Variants in PCDHA11 observed in about 807,000 individuals in gnomAD.
PCDHA11 encodes protocadherin alpha-11.
In PCDHA11, 61 loss-of-function variants were observed where a neutral mutation model predicts 70.3. The observed-to-expected ratio is 0.87, with a 90% CI of 0.71 to 1.07. The LOEUF (loss-of-function observed/expected upper bound fraction) is 1.07. PCDHA11 is among the 50% of genes least tolerant of loss of function. The probability of loss-of-function intolerance (pLI) is 0.00; values close to 1 mark genes in which losing one functional copy is unlikely to be tolerated. For synonymous variants in PCDHA11, 633 were observed against 555.1 expected, an observed-to-expected ratio of 1.14 and a Z score of -1.97; for missense variants, 1,324 against 1,237.5, an observed-to-expected ratio of 1.07 and a Z score of -1.05.
At chr5:140,888,623 C>T (rs1456857060) in intron 1 of PCDHA11, among the ~76,000 whole-genome samples, 1 of 152,160 alleles carries the variant, frequency 6.6e-6, no homozygotes. Context: ...ACTAATTCGG[C>T]CTTCTATTAC....
chr5:140,920,703 G>A (rs1435351032), intron 1 of PCDHA11, among the ~76,000 whole-genome samples: 1 of 152,060 alleles, frequency 6.6e-6, no homozygotes, highest in Non-Finnish European at 1.5e-5. Context: ...CATTAGCTTG[G>A]CATGGTGGTG....
chr5:140,989,758 T>C (rs1554251084), intron 3 of PCDHA11, among the ~76,000 whole-genome samples: 1 of 152,188 alleles, frequency 6.6e-6, no homozygotes, highest in African/African-American at 2.4e-5. Flanking sequence ...GAGAAACATA[T>C]TCAGTTCAAG....
chr5:140,977,712 T>C (rs2153814265), intron 1 of PCDHA11, among the ~76,000 whole-genome samples: 1 of 152,306 alleles, frequency 6.6e-6, no homozygotes, highest in South Asian at 2.1e-4. Context: ...AATATTGAGA[T>C]GGTGATCATT....
intron 3 of PCDHA11, among the ~76,000 whole-genome samples, chr5:140,996,100 G>A (rs1554255000): frequency 1.3e-5 from 2 of 152,190 alleles, no homozygotes; most frequent in Non-Finnish European, 2.9e-5. Flanking sequence ...TACATGGAAT[G>A]GTATGGAAGT....
intron 3 of PCDHA11, among the ~76,000 whole-genome samples, chr5:141,007,907 A>G (rs1402621923): frequency 6.6e-6 from 1 of 152,186 alleles, no homozygotes; most frequent in Non-Finnish European, 1.5e-5. Flanking sequence ...TTCTTTGTTG[A>G]AGATGCTATA....
intron 2 of PCDHA11, chr5:140,982,229 A>C (rs2096972091): frequency 3.2e-6 from 2 of 616,470 alleles, no homozygotes. Context: ...TTAATAAAAA[A>C]CAGAATTGCC....
intron 1 of PCDHA11, among the ~76,000 whole-genome samples, chr5:140,947,840 T>C (rs1554218335): frequency 6.6e-6 from 1 of 151,630 alleles, no homozygotes; most frequent in Non-Finnish European, 1.5e-5. Context: ...TAATATTTGT[T>C]TATTTATTTT....
intron 1 of PCDHA11, among the ~76,000 whole-genome samples, chr5:140,881,880 C>G (rs1157311188): frequency 6.6e-6 from 1 of 152,210 alleles, no homozygotes; most frequent in Non-Finnish European, 1.5e-5. Flanking sequence ...AAATGAAACT[C>G]ATCAACCAAT....
rs1411970319 is a variant in PCDHA11, at chr5:140,927,470, G to A, written c.2392-51479G>A. The A allele has an allele frequency of 4.3e-6, 7 of 1,614,054 alleles. 1 individual carries two copies. The highest frequency in any genetic ancestry group is 3.3e-5 in the South Asian group (3 of 91,088). ...TTGGTGTTGGAGAAAGCACTGGATC[G>A]CGAACAGCGCGCCACCCACCTGCTG... On this transcript the variant is annotated intron_variant, in intron 1 of 3. Transcript: ENST00000398640.
In PCDHA11 at chr5:140,883,753, G is replaced by A. The variant is rs945452765; in HGVS notation, c.2391+12259G>A. 5 of 1,613,010 alleles carry A rather than the reference G, an allele frequency of 3.1e-6. No homozygotes were observed. The African/African-American group carries it at 5.3e-5, about 17-fold the overall frequency. ...ACGCGCTGGTCTCCTACTCGCTGGT[G>A]GAGCGGCGGGTGGGCGAGCGTGCGC... is the stretch of plus-strand genomic sequence containing the variant. On this transcript the variant is annotated intron_variant, in intron 1 of 3. Transcript: ENST00000398640.
intron 1 of PCDHA11, chr5:140,883,205 A>C: frequency 6.2e-7 from 1 of 1,614,036 alleles, no homozygotes; most frequent in Non-Finnish European, 8.5e-7. Flanking sequence ...TTTCGAAGAA[A>C]AGAAATTATA....
At chr5:140,978,881 A>G in intron 1 of PCDHA11, 68 bp from the exon 2 acceptor site, 1 of 1,610,922 alleles carries the variant, frequency 6.2e-7, no homozygotes, top group Non-Finnish European at 8.5e-7. Flanking sequence ...TAACTAATCA[A>G]TTAGCAGCAT....
chr5:140,998,596 C>G (rs1301065712), intron 3 of PCDHA11, among the ~76,000 whole-genome samples: 1 of 148,578 alleles, frequency 6.7e-6, no homozygotes, highest in Non-Finnish European at 1.5e-5. Flanking sequence ...CAGAGTTTTG[C>G]TCTTGTTGCC....
At chr5:140,903,597 T>C (rs1182384058) in intron 1 of PCDHA11, among the ~76,000 whole-genome samples, 1 of 152,218 alleles carries the variant, frequency 6.6e-6, no homozygotes, top group African/African-American at 2.4e-5. Flanking sequence ...GCCTGATAAA[T>C]GCTTAATACA....
rs782099262 is a variant in PCDHA11 at position 140,927,918 on chromosome 5, C to A, written c.2392-51031C>A. 3.7e-6 allele frequency: 6 copies of A among 1,614,220 alleles called. No homozygotes were observed. In the South Asian group the frequency reaches 4.4e-5, roughly 12 times the overall value. ...ACGATCATGCCCCCGAACTGGACTT[C>A]CTGACTCTTTCGAACCCAGTACCTG... On this transcript the variant is annotated intron_variant, in intron 1 of 3. Transcript: ENST00000398640.
In PCDHA11 at chr5:140,870,020, C is replaced by CT. The variant is rs2051592109; in HGVS notation, c.920dup (p.Leu307PhefsTer4). 1 of 1,613,394 alleles carries CT rather than the reference C, an allele frequency of 6.2e-7. No homozygotes were observed. The highest frequency in any genetic ancestry group is 1.7e-5 in the Admixed American group (1 of 59,968). The stretch of plus-strand genomic sequence containing the variant: ...AATGGAGAAGTGAGGGTCAATGGAA[C>CT]TTTAGATTATGAAGAAAACAAGTTT... On this transcript the variant is annotated frameshift_variant, in exon 1 of 4. Transcript: ENST00000398640. LOFTEE classifies it high-confidence loss of function.
chr5:140,957,014 G>A (rs2095325954), intron 1 of PCDHA11, among the ~76,000 whole-genome samples: 1 of 152,124 alleles, frequency 6.6e-6, no homozygotes, highest in South Asian at 2.1e-4. Flanking sequence ...ATTTCTCAGT[G>A]AGCATTTAGA....
At chr5:141,000,361 GTCTCTCTC>G (rs148596731) in intron 3 of PCDHA11, among the ~76,000 whole-genome samples, 2,007 of 26,308 alleles carry the variant, frequency 0.076, 129 homozygotes, top group East Asian at 0.15. Context: ...GTCTCTCTCT[GTCTCTCTC>G]TCTCTCTCTC....
At chr5:141,002,134 C>T (rs1477082485) in intron 3 of PCDHA11, among the ~76,000 whole-genome samples, 1 of 152,216 alleles carries the variant, frequency 6.6e-6, no homozygotes, top group African/African-American at 2.4e-5. Flanking sequence ...TAGCCTTTGC[C>T]GGCTGCACTG....
Sources: gnomAD v4.1 joint callset for allele counts (sites outside exome capture counted in the v4.1 genomes callset) on GRCh38, gnomAD v4.1.1 for gene constraint, MANE v1.5 for transcripts, NCBI Gene and HGNC (gene_info 2026-07-23, HGNC 2026-07-21) for gene names.